The following ZNF717 variants were observed in gnomAD, a reference collection of about 807,000 sequenced individuals.
ZNF717 encodes the protein krueppel-like factor X17.
A neutral mutation model predicts 13.8 loss-of-function variants in ZNF717; 9 were observed. The observed-to-expected ratio is 0.65, with a 90% CI of 0.39 to 1.14. The LOEUF is 1.14. Among genes scored for constraint, ZNF717 ranks in the 50% most tolerant of loss-of-function variants. The pLI is 0.01. For synonymous variants in ZNF717, 327 were observed against 364.1 expected (o/e 0.90, Z 1.16); for missense variants, 1,040 against 1,080.7 (o/e 0.96, Z 0.53).
intron 4 of ZNF717, among the ~76,000 whole-genome samples, chr3:75,740,598 T>G (rs201269549): frequency 0.052 from 4,204 of 81,322 alleles, no homozygotes; most frequent in Non-Finnish European, 0.07. Flanking sequence ...TGTAGGTGGT[T>G]GTCTACGAGG....
chr3:75,745,966 T>G (rs1216131545), intron 2 of ZNF717, among the ~76,000 whole-genome samples: 22 of 152,336 alleles, frequency 1.4e-4, no homozygotes, highest in Admixed American at 1.1e-3. Flanking sequence ...GTTGGTGTGC[T>G]GCACCCAGTA....
intron 2 of ZNF717, among the ~76,000 whole-genome samples, chr3:75,742,616 T>G (rs1940623096): frequency 6.6e-6 from 1 of 152,214 alleles, no homozygotes; most frequent in Non-Finnish European, 1.5e-5. Context: ...CACACACCAC[T>G]TTAATGGAAC....
downstream of ZNF717, among the ~76,000 whole-genome samples, chr3:75,728,833 T>C (rs1351122866): frequency 1.3e-5 from 2 of 151,868 alleles, no homozygotes; most frequent in Middle Eastern, 3.2e-3. Context: ...ATACAGTCAT[T>C]CATGCCTTTG....
Position 75,737,519 on chromosome 3 carries a change from G to A in ZNF717, c.2104C>T (p.Pro702Ser), listed in dbSNP as rs80089603. ...TTTTCCACATTCATTACATTCATAG[G>A]GCTTTTCCCCGGTGTGAGTTCTCTG... is the stretch of plus-strand genomic sequence containing the variant. ...YIRELTPGKS[P>S]MNVMNVENPF... Residue 702 changes from proline to serine, a missense_variant, in exon 5 of 5, where the codon CCT becomes TCT. By Grantham distance (74) the Pro-to-Ser change is moderately conservative. Around this residue, in one of 3 missense-constraint regions of ZNF717, gnomAD observed 873 missense variants for 832.8 expected, o/e 1.05. Transcript: ENST00000652011. 1.5e-3 allele frequency: 2,354 copies of A among 1,554,112 alleles called. 11 individuals are homozygous for A. In the African/African-American group the frequency reaches 0.024, roughly 16 times the overall value.
chr3:75,717,852 T>C (rs1938087555), intron 4 of ZNF717, among the ~76,000 whole-genome samples: 1 of 152,200 alleles, frequency 6.6e-6, no homozygotes, highest in African/African-American at 2.4e-5. Context: ...AACACAACAA[T>C]TCATTTTCAA....
intron 2 of ZNF717, among the ~76,000 whole-genome samples, chr3:75,753,413 C>T (rs536377417): frequency 0.026 from 3,873 of 151,082 alleles, 175 homozygotes; most frequent in African/African-American, 0.09. Context: ...TTGCCTCTCA[C>T]ATAGGATTCC....
At chr3:75,762,392 G>C (rs1943109065) in intron 2 of ZNF717, among the ~76,000 whole-genome samples, 1 of 145,490 alleles carries the variant, frequency 6.9e-6, no homozygotes, top group African/African-American at 2.6e-5. Flanking sequence ...AGTGAGCTGA[G>C]ACAGTGCCAC....
chr3:75,732,106 T>G (rs62250086), downstream of ZNF717: 13 of 692,894 alleles, frequency 1.9e-5, no homozygotes, highest in East Asian at 3.5e-4. Flanking sequence ...TGAGAAAACT[T>G]GCTTCTTGCT....
chr3:75,716,833 C>G lies in ZNF717; in HGVS notation n.545-292G>C, dbSNP rs1388823580. On this transcript the variant is annotated intron_variant and non_coding_transcript_variant, in intron 4 of 5. Coordinates refer to the ZNF717 transcript ENST00000491507. Reference sequence around the variant, plus strand: ...CCAAGAATACTATGTTCCTCCTTGTCTTCTTCATTCACAGAGAGGATTCCC... The same window carrying G: ...CCAAGAATACTATGTTCCTCCTTGTGTTCTTCATTCACAGAGAGGATTCCC... Among the ~76,000 whole-genome samples, 20 of 152,336 alleles carry G rather than the reference C, an allele frequency of 1.3e-4. No homozygotes were observed. In the East Asian group the frequency reaches 3.7e-3, roughly 28 times the overall value.
At chr3:75,744,097 A>G (rs1271747522) in intron 2 of ZNF717, among the ~76,000 whole-genome samples, 1 of 152,272 alleles carries the variant, frequency 6.6e-6, no homozygotes, top group African/African-American at 2.4e-5. Flanking sequence ...TTTACACAGG[A>G]AGAGAAATAG....
downstream of ZNF717, among the ~76,000 whole-genome samples, chr3:75,725,673 G>A (rs1018856312): frequency 7.7e-4 from 114 of 148,984 alleles, no homozygotes; most frequent in Non-Finnish European, 1.5e-3. Context: ...GCAAAGATCA[G>A]GTCTTACACG....
chr3:75,731,245 T>A (rs1490507915), downstream of ZNF717, among the ~76,000 whole-genome samples: 1 of 152,124 alleles, frequency 6.6e-6, no homozygotes, highest in Non-Finnish European at 1.5e-5. Context: ...AGTGTGGTGG[T>A]GTGTGCCAGT....
chr3:75,743,737 G>A (rs79666265), intron 2 of ZNF717, among the ~76,000 whole-genome samples: 1 of 152,358 alleles, frequency 6.6e-6, no homozygotes, highest in African/African-American at 2.4e-5. Flanking sequence ...GTACCAATTT[G>A]CTGTGCACTG....
chr3:75,726,371 C>A (rs77395924), downstream of ZNF717, among the ~76,000 whole-genome samples: 1 of 152,248 alleles, frequency 6.6e-6, no homozygotes, highest in Non-Finnish European at 1.5e-5. Flanking sequence ...GCCTGTAATT[C>A]CAGCACTTTG....
chr3:75,724,246 C>T (rs1236142407), intron 4 of ZNF717, among the ~76,000 whole-genome samples: 4 of 152,014 alleles, frequency 2.6e-5, no homozygotes, highest in African/African-American at 9.7e-5. Context: ...CTAGTCTCCA[C>T]GTCTTGGTGG....
intron 2 of ZNF717, among the ~76,000 whole-genome samples, chr3:75,754,228 G>A (rs997655756): frequency 1.3e-5 from 2 of 152,210 alleles, no homozygotes; most frequent in African/African-American, 4.8e-5. Context: ...AAGAGAAGAA[G>A]AGAGCATCAC....
intron 2 of ZNF717, among the ~76,000 whole-genome samples, chr3:75,769,209 A>G (rs1359325186): frequency 6.6e-6 from 1 of 152,122 alleles, no homozygotes; most frequent in Admixed American, 6.6e-5. Flanking sequence ...CGATCATGAG[A>G]GGCCTTACAG....
At chr3:75,695,486 A>G (rs1167962308) in intron 6 of ZNF717, among the ~76,000 whole-genome samples, 1 of 152,306 alleles carries the variant, frequency 6.6e-6, no homozygotes, top group Non-Finnish European at 1.5e-5. Flanking sequence ...TGAACCTACT[A>G]GATATTTACA....
chr3:75,758,594 T>C (rs1942701118), intron 2 of ZNF717, among the ~76,000 whole-genome samples: 1 of 152,186 alleles, frequency 6.6e-6, no homozygotes, highest in Admixed American at 6.6e-5. Context: ...GATCATTCTT[T>C]TGTGAAAGGG....
Sources: gnomAD v4.1 joint callset for allele counts (sites outside exome capture counted in the v4.1 genomes callset) on GRCh38, gnomAD v4.1.1 for gene constraint, gnomAD v4.1.1 regional missense constraint, MANE v1.5 for transcripts, NCBI Gene and HGNC (gene_info 2026-07-23, HGNC 2026-07-21) for gene names.